Variants in HACE1 observed in about 807,000 individuals in gnomAD.
HACE1 encodes HECT domain and ankyrin repeat containing E3 ubiquitin protein ligase 1, also known as E3 ubiquitin-protein ligase HACE1.
HACE1 carries 73 observed loss-of-function variants against 118.4 expected under a neutral mutation model. The ratio of observed to expected loss-of-function variants is 0.62; its 90% CI spans 0.51 to 0.75. The LOEUF (loss-of-function observed/expected upper bound fraction) is 0.75, where lower values mean the gene tolerates loss of function less well. HACE1 is among the 30% of genes least tolerant of loss of function. The pLI is 0.00. For missense variants in HACE1, 749 were observed against 1,102.2 expected (o/e 0.68, Z 4.54); for synonymous variants, 368 against 374.8 (o/e 0.98, Z 0.21).
Position 104,812,763 on chromosome 6 carries a change from A to C in HACE1, c.535-1370T>G, listed in dbSNP as rs375265621. On this transcript the variant is annotated intron_variant, in intron 6 of 23. Transcript: ENST00000262903. ...AACACACACATTAAGAAAACAAAAA[A>C]GGAATAGAGGAATTGGAAGTACCAG... is the stretch of plus-strand genomic sequence containing the variant. Among the ~76,000 whole-genome samples, 5 of 152,334 alleles carry C rather than the reference A, an allele frequency of 3.3e-5. No individual in the cohort carries two copies. The East Asian group carries it at 9.7e-4, about 29-fold the overall frequency.
intron 7 of HACE1, among the ~76,000 whole-genome samples, chr6:104,798,472 C>A (rs1191668144): frequency 2.0e-5 from 3 of 152,156 alleles, no homozygotes; most frequent in Non-Finnish European, 2.9e-5. Context: ...AGGTCTATCA[C>A]TCTCTTGATA....
intron 7 of HACE1, among the ~76,000 whole-genome samples, chr6:104,803,710 T>C (rs1189966669): frequency 6.6e-6 from 1 of 152,180 alleles, no homozygotes; most frequent in Non-Finnish European, 1.5e-5. Flanking sequence ...TGATGGAACG[T>C]ATCTCAAAAT....
intron 7 of HACE1, among the ~76,000 whole-genome samples, chr6:104,798,678 T>C (rs1222103825): frequency 6.6e-6 from 1 of 152,190 alleles, no homozygotes; most frequent in African/African-American, 2.4e-5. Context: ...GGTCAAGATG[T>C]TATAAACAAT....
At chr6:104,798,738 C>G in intron 7 of HACE1, among the ~76,000 whole-genome samples, 1 of 152,042 alleles carries the variant, frequency 6.6e-6, no homozygotes, top group African/African-American at 2.4e-5. Flanking sequence ...CTTTAACACG[C>G]CTAAAAATAG....
At chr6:104,854,241 T>C (rs1307507159) in intron 1 of HACE1, among the ~76,000 whole-genome samples, 2 of 152,094 alleles carry the variant, frequency 1.3e-5, no homozygotes, top group African/African-American at 4.8e-5. Context: ...ACTATCACAG[T>C]TTGGAGGAGA....
At chr6:104,776,266 CCAA>C (rs1259625539) in intron 17 of HACE1, among the ~76,000 whole-genome samples, 1 of 152,028 alleles carries the variant, frequency 6.6e-6, no homozygotes, top group Non-Finnish European at 1.5e-5. Context: ...GTTTTCCTAA[CCAA>C]TATATTTTAA....
chr6:104,739,196 C>T (rs1776324657), intron 22 of HACE1, among the ~76,000 whole-genome samples: 1 of 152,168 alleles, frequency 6.6e-6, no homozygotes, highest in Non-Finnish European at 1.5e-5. Context: ...CAACTGGTAC[C>T]AGCCACTGCA....
intron 7 of HACE1, among the ~76,000 whole-genome samples, chr6:104,805,948 T>A (rs1770948248): frequency 6.6e-6 from 1 of 151,956 alleles, no homozygotes; most frequent in Non-Finnish European, 1.5e-5. Flanking sequence ...GGACTGGGGA[T>A]CAGACAGGAT....
chr6:104,763,803 A>G (rs944373220), intron 19 of HACE1, among the ~76,000 whole-genome samples: 4 of 152,112 alleles, frequency 2.6e-5, no homozygotes, highest in Non-Finnish European at 5.9e-5. Flanking sequence ...TAATCCCAGC[A>G]CTTTGGGAGG....
rs564124061 is a variant in HACE1, at chr6:104,735,177, T to C, written c.2514-4761A>G. 1.2e-4 allele frequency among the ~76,000 whole-genome samples: 19 copies of C among 152,160 alleles called. 1 individual carries two copies. The South Asian group carries it at 3.5e-3, about 28-fold the overall frequency. ...TTAAATTACATGGAAATCTCTATAT[T>C]TAACTTTGATACACCAAGAAAACTA... On this transcript the variant is annotated intron_variant, in intron 22 of 23. Transcript: ENST00000262903.
intron 22 of HACE1, among the ~76,000 whole-genome samples, chr6:104,743,507 A>G (rs1438010276): frequency 6.6e-6 from 1 of 152,010 alleles, no homozygotes; most frequent in African/African-American, 2.4e-5. Flanking sequence ...TTATAATGAA[A>G]AAAACCAAAC....
At chr6:104,820,991 C>T (rs1488122502) in intron 6 of HACE1, among the ~76,000 whole-genome samples, 4 of 152,126 alleles carry the variant, frequency 2.6e-5, no homozygotes, top group African/African-American at 9.7e-5. Flanking sequence ...ATATACACCA[C>T]GGAATACTAT....
In HACE1 at chr6:104,745,585, C is replaced by T. The variant is rs574633433; in HGVS notation, c.2344-975G>A. ...CCTCCCAAGTAGCTAGGACTACAGG[C>T]GCCTGCCACCATGCCCGGCTAATTT... On this transcript the variant is annotated intron_variant, in intron 20 of 23. Transcript: ENST00000262903. Among the ~76,000 whole-genome samples, 73 of 151,916 alleles carry T rather than the reference C, an allele frequency of 4.8e-4. 1 individual carries two copies. The highest frequency in any genetic ancestry group is 5.0e-4 in the Non-Finnish European group (34 of 67,944).
chr6:104,851,070 CTT>C, intron 2 of HACE1, 74 bp from the exon 3 acceptor site: 2 of 832,892 alleles, frequency 2.4e-6, no homozygotes, highest in Non-Finnish European at 2.1e-6. Flanking sequence ...GTTAACAACT[CTT>C]TAGCTGCTCT....
At chr6:104,743,594 C>T (rs1777072334) in intron 22 of HACE1, among the ~76,000 whole-genome samples, 1 of 151,828 alleles carries the variant, frequency 6.6e-6, no homozygotes, top group Non-Finnish European at 1.5e-5. Context: ...TTCAGAAATA[C>T]AAGCTAAAAG....
At chr6:104,773,506 A>C (rs1026123082) in intron 17 of HACE1, among the ~76,000 whole-genome samples, 1 of 152,230 alleles carries the variant, frequency 6.6e-6, no homozygotes, top group African/African-American at 2.4e-5. Flanking sequence ...GTCATGAAGC[A>C]AGACCTGGTA....
rs140432320 is a variant in HACE1, at chr6:104,853,902, A to G, written c.77-1531T>C. Reference sequence around the variant, plus strand: ...TATATGATTTTTTTCCCTACATGATAAAGTTTAATTTATAAATTGGGCACA... The same window carrying G: ...TATATGATTTTTTTCCCTACATGATGAAGTTTAATTTATAAATTGGGCACA... On this transcript the variant is annotated intron_variant, in intron 1 of 23. Transcript: ENST00000262903. Among the ~76,000 whole-genome samples, 896 of 152,270 alleles carry G rather than the reference A, an allele frequency of 5.9e-3. 13 individuals are homozygous for G. Among genetic ancestry groups the G allele is most frequent in the African/African-American group, 0.021 (862 of 41,552 alleles).
chr6:104,836,479 G>A (rs570385838), intron 5 of HACE1, among the ~76,000 whole-genome samples: 7 of 152,004 alleles, frequency 4.6e-5, no homozygotes, highest in South Asian at 2.1e-4. Flanking sequence ...TTGGGAGGCC[G>A]AGGCGGGTGA....
At chr6:104,809,691 G>C (rs904432330) in intron 7 of HACE1, among the ~76,000 whole-genome samples, 1 of 150,158 alleles carries the variant, frequency 6.7e-6, no homozygotes, top group Non-Finnish European at 1.5e-5. Context: ...CTTTGCTGAG[G>C]AAAGAAGAGA....
Sources: gnomAD v4.1 joint callset for allele counts (sites outside exome capture counted in the v4.1 genomes callset) on GRCh38, gnomAD v4.1.1 for gene constraint, MANE v1.5 for transcripts, NCBI Gene and HGNC (gene_info 2026-07-23, HGNC 2026-07-21) for gene names.